DPP10: variants seen among roughly 807,000 people sequenced by gnomAD.
DPP10 encodes inactive dipeptidyl peptidase 10.
Under a neutral mutation model 120.9 loss-of-function variants are expected in DPP10, and 33 were observed. That is an observed-to-expected ratio of 0.27 (90% CI 0.21 to 0.37). DPP10 has a LOEUF of 0.37. Among genes scored for constraint, DPP10 ranks in the 10% least tolerant of loss-of-function variants. DPP10 has a pLI of 1.00. For synonymous variants in DPP10, 337 were observed against 326.1 expected, an observed-to-expected ratio of 1.03 and a Z score of -0.36; for missense variants, 816 against 942.8, an observed-to-expected ratio of 0.87 and a Z score of 1.76.
chr2:115,797,949 G>C (rs1207855057), intron 19 of DPP10, among the ~76,000 whole-genome samples: 1 of 133,962 alleles, frequency 7.5e-6, no homozygotes, highest in Non-Finnish European at 1.7e-5. Flanking sequence ...ATATATGTGT[G>C]TGTGTGTATA....
chr2:114,842,949 C>A (rs1478914633), intron 1 of DPP10, among the ~76,000 whole-genome samples: 1 of 152,038 alleles, frequency 6.6e-6, no homozygotes, highest in Non-Finnish European at 1.5e-5. Context: ...GGGAATGAGG[C>A]ACTGCCCATA....
intron 3 of DPP10, among the ~76,000 whole-genome samples, chr2:115,372,181 G>T (rs2065457214): frequency 6.6e-6 from 1 of 152,014 alleles, no homozygotes; most frequent in South Asian, 2.1e-4. Flanking sequence ...ATAAGTCAAA[G>T]AAATATTATT....
intron 1 of DPP10, among the ~76,000 whole-genome samples, chr2:114,490,819 G>A (rs185596894): frequency 1.6e-3 from 251 of 152,252 alleles, no homozygotes; most frequent in African/African-American, 5.7e-3. Flanking sequence ...CAGAAAACTT[G>A]TGTGAGAAGG....
intron 3 of DPP10, among the ~76,000 whole-genome samples, chr2:115,467,423 G>A (rs843438): frequency 0.97 from 147,283 of 152,002 alleles, 71,531 homozygotes; most frequent in East Asian, 1. Flanking sequence ...CTAAAAATAC[G>A]AAAATTAGCT....
At chr2:114,936,413 A>T (rs753847689) in intron 1 of DPP10, among the ~76,000 whole-genome samples, 1 of 151,764 alleles carries the variant, frequency 6.6e-6, no homozygotes, top group Non-Finnish European at 1.5e-5. Context: ...ACATATATAC[A>T]TATATATGTG....
intron 1 of DPP10, among the ~76,000 whole-genome samples, chr2:115,011,442 T>G (rs938253537): frequency 5.3e-5 from 8 of 152,304 alleles, no homozygotes; most frequent in South Asian, 2.1e-4. Context: ...GACCCATGTA[T>G]TTTTCTTAAT....
intron 3 of DPP10, among the ~76,000 whole-genome samples, chr2:115,366,537 ATATC>A (rs2065088644): frequency 6.6e-6 from 1 of 152,116 alleles, no homozygotes; most frequent in Non-Finnish European, 1.5e-5. Context: ...TTTTAGAAAA[ATATC>A]TAGTCTTCCA....
chr2:115,107,758 G>A (rs747955925), intron 1 of DPP10, among the ~76,000 whole-genome samples: 3 of 151,860 alleles, frequency 2.0e-5, no homozygotes, highest in Non-Finnish European at 4.4e-5. Flanking sequence ...GATTTGTTCC[G>A]TTAGTATATT....
At chr2:114,920,475 G>A (rs1046365817) in intron 1 of DPP10, among the ~76,000 whole-genome samples, 5 of 152,316 alleles carry the variant, frequency 3.3e-5, no homozygotes, top group South Asian at 2.1e-4. Flanking sequence ...GGCAGTTCTG[G>A]AATTCTAATC....
chr2:114,943,208 G>A (rs1460226460), intron 1 of DPP10, among the ~76,000 whole-genome samples: 5 of 152,110 alleles, frequency 3.3e-5, no homozygotes, highest in African/African-American at 4.8e-5. Context: ...CTTCATCCAT[G>A]TCCCTGCAAA....
chr2:114,590,448 TTC>T (rs1691368947), intron 1 of DPP10, among the ~76,000 whole-genome samples: 1 of 152,226 alleles, frequency 6.6e-6, no homozygotes, highest in South Asian at 2.1e-4. Flanking sequence ...GCAAAGCATT[TTC>T]TGGATTTTTT....
At chr2:115,024,168 T>A (rs2105196613) in intron 1 of DPP10, among the ~76,000 whole-genome samples, 1 of 152,270 alleles carries the variant, frequency 6.6e-6, no homozygotes, top group Admixed American at 6.5e-5. Context: ...AAAATTTTTT[T>A]TAGAACAAAG....
At chr2:115,820,546 T>C (rs553444129) in intron 21 of DPP10, among the ~76,000 whole-genome samples, 1 of 152,188 alleles carries the variant, frequency 6.6e-6, no homozygotes, top group South Asian at 2.1e-4. Flanking sequence ...GAGAAGTGTA[T>C]TGTACCCAGT....
intron 1 of DPP10, among the ~76,000 whole-genome samples, chr2:115,096,366 T>A (rs1709743807): frequency 6.6e-6 from 1 of 152,206 alleles, no homozygotes; most frequent in Non-Finnish European, 1.5e-5. Context: ...ATTAAATATA[T>A]GCGTTGATAT....
intron 2 of DPP10, among the ~76,000 whole-genome samples, chr2:115,324,962 G>T (rs1016758011): frequency 6.6e-6 from 1 of 152,046 alleles, no homozygotes; most frequent in African/African-American, 2.4e-5. Flanking sequence ...TTGATGTCAC[G>T]GTTAGAACAC....
At chr2:114,477,922 T>TATGTACATATGTGTATATGTGTAC (rs1558795035) in intron 1 of DPP10, among the ~76,000 whole-genome samples, 2 of 150,146 alleles carry the variant, frequency 1.3e-5, no homozygotes, top group African/African-American at 5.0e-5. Flanking sequence ...TATATGTGTA[T>TATGTACATATGTGTATATGTGTAC]ATATGTACAT....
intron 5 of DPP10, among the ~76,000 whole-genome samples, chr2:115,662,440 T>TA (rs1374607916): frequency 2.6e-5 from 4 of 151,796 alleles, no homozygotes; most frequent in African/African-American, 9.7e-5. Flanking sequence ...TTTTATTTTT[T>TA]TTTTTTAGCA....
chr2:115,815,813 T>C (rs1687163954), intron 21 of DPP10, 84 bp downstream of exon 21: 2 of 1,363,260 alleles, frequency 1.5e-6, no homozygotes, highest in Admixed American at 1.9e-5. Context: ...GGAGGCCAGT[T>C]GGTTACAGAT....
At chr2:114,750,354 G>A (rs1435747203) in intron 1 of DPP10, among the ~76,000 whole-genome samples, 1 of 149,684 alleles carries the variant, frequency 6.7e-6, no homozygotes, top group East Asian at 1.9e-4. Flanking sequence ...TTTTTTTTGA[G>A]ATGGAGTCTT....
Sources: gnomAD v4.1 joint callset for allele counts (sites outside exome capture counted in the v4.1 genomes callset) on GRCh38, gnomAD v4.1.1 for gene constraint, MANE v1.5 for transcripts, NCBI Gene and HGNC (gene_info 2026-07-23, HGNC 2026-07-21) for gene names.